The following NUP88 variants were observed in gnomAD, a reference collection of about 807,000 sequenced individuals.
NUP88 encodes nucleoporin 88.
A neutral mutation model predicts 93.9 loss-of-function variants in NUP88; 57 were observed. The ratio of observed to expected loss-of-function variants is 0.61; its 90% CI spans 0.49 to 0.76. The LOEUF is 0.76. Ranked by LOEUF, NUP88 falls within the 30% of genes least tolerant of loss-of-function variation. NUP88 has a pLI of 0.00. For missense variants in NUP88, 911 were observed against 901.0 expected, an observed-to-expected ratio of 1.01 and a Z score of -0.14; for synonymous variants, 346 against 336.8, an observed-to-expected ratio of 1.03 and a Z score of -0.30.
Position 5,419,504 on chromosome 17 carries a change from C to T in NUP88, c.147G>A (p.Ser49=). The T allele has an allele frequency of 6.2e-7, 1 of 1,613,974 alleles. No homozygotes were observed. The change falls in exon 1 of 17, where the codon TCG becomes TCA. Residue 49 remains serine, a synonymous_variant. Coordinates refer to ENST00000573584, the MANE Select transcript of NUP88 (RefSeq NM_002532.6). ...TCGTCAGCAACTGCGGCGGCGGCGA[C>T]GAAGGCAACGACGAAGAAGCTGGTT... is the stretch of plus-strand genomic sequence containing the variant. ...AEKPASSSLP[S]SPPPQLLTRN... is the part of the protein sequence containing the mutation.
At chr17:5,404,857 A>C (rs770112933) in intron 6 of NUP88, among the ~76,000 whole-genome samples, 200 bp downstream of exon 6, 17 of 152,222 alleles carry the variant, frequency 1.1e-4, no homozygotes, top group Non-Finnish European at 1.5e-5. Flanking sequence ...TGGTGGACCA[A>C]GTAAGTTGGG....
In NUP88 at chr17:5,386,965, A is replaced by G; in HGVS notation, c.2043+19T>C. On this transcript the variant is annotated intron_variant, in intron 15 of 16. Coordinates refer to ENST00000573584, the MANE Select transcript of NUP88 (RefSeq NM_002532.6). Reference sequence around the variant, plus strand: ...TTAAGAAAAATTACCAAATTTAGCTAGTTTGGATCTATTCCTACCTGTTTG... The same window carrying G: ...TTAAGAAAAATTACCAAATTTAGCTGGTTTGGATCTATTCCTACCTGTTTG... The G allele has an allele frequency of 6.2e-7, 1 of 1,608,156 alleles. No homozygotes were observed. Among genetic ancestry groups the G allele is most frequent in the Non-Finnish European group, 8.5e-7 (1 of 1,178,336 alleles).
Position 5,394,951 on chromosome 17 carries a change from A to G in NUP88, c.1322T>C (p.Leu441Pro). ...DEEDKDSLQELSTEQKCFVEH... is the reference protein window; with the variant it reads ...DEEDKDSLQEPSTEQKCFVEH... ...AACAAAGCATTTCTGTTCTGTAGAG[A>G]GTTCCTGTAAACTATCCTTATCTTC... The change falls in exon 9 of 17, where the codon CTC (leucine) becomes CCC (proline). Residue 441 changes from leucine to proline, a missense_variant. Leu to Pro is a moderately conservative substitution (Grantham distance 98, BLOSUM62 -3). Coordinates refer to ENST00000573584, the MANE Select transcript of NUP88 (RefSeq NM_002532.6). The G allele has an allele frequency of 6.2e-7, 1 of 1,612,790 alleles. No individual in the cohort carries two copies. Among genetic ancestry groups the G allele is most frequent in the Non-Finnish European group, 8.5e-7 (1 of 1,178,762 alleles).
chr17:5,386,792 A>G lies in NUP88; in HGVS notation c.2078T>C (p.Met693Thr). Residue 693 changes from methionine to threonine, a missense_variant, in exon 16 of 17, where the codon ATG becomes ACG. Transcript: ENST00000573584. ...TMKKDYQQQK[M>T]EKVLSLPKPT... ...TTTTGGAAGACTCAACACCTTCTCC[A>G]TCTTTTGCTGTTGATAATCCTTTTT... is the stretch of plus-strand genomic sequence containing the variant. 3 of 1,613,984 alleles carry G rather than the reference A, an allele frequency of 1.9e-6. No homozygotes were observed. Among genetic ancestry groups the G allele is most frequent in the Non-Finnish European group, 2.5e-6 (3 of 1,179,826 alleles).
At position 5,419,636 on chromosome 17, in the gene NUP88, C is replaced by T; in HGVS notation, c.15G>A (p.Glu5=). The T allele has an allele frequency of 1.9e-6, 3 of 1,591,086 alleles. No homozygotes were observed. Among genetic ancestry groups the T allele is most frequent in the Non-Finnish European group, 2.6e-6 (3 of 1,168,146 alleles). The change falls in exon 1 of 17, where the codon GAG becomes GAA. Residue 5 remains glutamate, a synonymous_variant. Coordinates refer to ENST00000573584, the MANE Select transcript of NUP88 (RefSeq NM_002532.6). MAAA[E]GPVGDGELWQ... ...ACAGCTCGCCGTCGCCCACCGGTCC[C>T]TCGGCGGCCGCCATCTTGGCCCAAC...
chr17:5,409,501 T>C (rs1913702231), intron 4 of NUP88, among the ~76,000 whole-genome samples: 1 of 151,932 alleles, frequency 6.6e-6, no homozygotes, highest in Non-Finnish European at 1.5e-5. Context: ...AAATTTATTA[T>C]ATACACACAC....
intron 5 of NUP88, among the ~76,000 whole-genome samples, chr17:5,407,346 G>A (rs1485848600): frequency 1.3e-5 from 2 of 152,194 alleles, no homozygotes; most frequent in Admixed American, 1.3e-4. Flanking sequence ...ACCCGGTGAT[G>A]CCCTGAGCAC....
intron 3 of NUP88, among the ~76,000 whole-genome samples, chr17:5,411,642 A>G (rs1361520312): frequency 2.9e-5 from 4 of 138,928 alleles, no homozygotes; most frequent in Admixed American, 2.2e-4. Context: ...TTTTCAAGGG[A>G]AAGTATAATA....
At chr17:5,404,044 T>G in intron 7 of NUP88, 55 bp downstream of exon 7, 1 of 1,530,284 alleles carries the variant, frequency 6.5e-7, no homozygotes, top group Non-Finnish European at 9.0e-7. Context: ...CAGTCTATGA[T>G]AGTCTTAGTA....
intron 2 of NUP88, among the ~76,000 whole-genome samples, chr17:5,416,188 T>TACCCACACACAC (rs1914138144): frequency 7.9e-6 from 1 of 126,200 alleles, no homozygotes; most frequent in African/African-American, 3.0e-5. Context: ...TATACACACA[T>TACCCACACACAC]ACACACACAC....
chr17:5,416,997 G>GT (rs78233364), intron 1 of NUP88, among the ~76,000 whole-genome samples: 3 of 151,534 alleles, frequency 2.0e-5, no homozygotes, highest in Admixed American at 6.6e-5. Context: ...AATTAAAAAG[G>GT]TTTTTTTTGT....
intron 2 of NUP88, among the ~76,000 whole-genome samples, chr17:5,415,284 TG>T (rs997107302): frequency 3.7e-4 from 56 of 152,258 alleles, no homozygotes; most frequent in Middle Eastern, 3.4e-3. Context: ...CCTCCCAAAG[TG>T]CTGGGATTAC....
chr17:5,386,814 TTTTC>T lies in NUP88; in HGVS notation c.2052_2055del (p.Met684IlefsTer13). ...TCCATCTTTTGCTGTTGATAATCCT[TTTTC>T]ATAGTAACCTTAAGTATTAAAATAA... On this transcript the variant is annotated frameshift_variant, in exon 16 of 17. Coordinates refer to ENST00000573584, the MANE Select transcript of NUP88 (RefSeq NM_002532.6). LOFTEE classifies it high-confidence loss of function. 1 of 1,612,384 alleles carries T rather than the reference TTTTC, an allele frequency of 6.2e-7. No homozygotes were observed. The highest frequency in any genetic ancestry group is 8.5e-7 in the Non-Finnish European group (1 of 1,178,404).
intron 8 of NUP88, among the ~76,000 whole-genome samples, chr17:5,395,582 G>T (rs897168683): frequency 6.6e-6 from 1 of 151,326 alleles, no homozygotes; most frequent in Non-Finnish European, 1.5e-5. Context: ...AGGCTGGAGC[G>T]CAGTGGCCCA....
In NUP88 at chr17:5,405,212, A is replaced by G; in HGVS notation, c.889T>C (p.Leu297=). ...TCTTCAGCCGCAGGATGCATGGGCA[A>G]TGGACCCAACAGCTTTCCAATATTT... is the stretch of plus-strand genomic sequence containing the variant. ...PGNIGKLLGP[L]PMHPAAEDNY... The change falls in exon 6 of 17, where the codon TTG becomes CTG. Residue 297 remains leucine, a synonymous_variant. Coordinates refer to ENST00000573584, the MANE Select transcript of NUP88 (RefSeq NM_002532.6). The G allele has an allele frequency of 1.2e-6, 2 of 1,613,988 alleles. No homozygotes were observed. The highest frequency in any genetic ancestry group is 1.7e-6 in the Non-Finnish European group (2 of 1,179,954).
Position 5,385,969 on chromosome 17 carries a change from G to T in NUP88, c.*237C>A. 1 of 469,808 alleles carries T rather than the reference G, an allele frequency of 2.1e-6. No individual in the cohort carries two copies. Among genetic ancestry groups the T allele is most frequent in the Non-Finnish European group, 3.7e-6 (1 of 268,836 alleles). The allele number at this position is 469,808 out of a possible 1,614,324, so 29.1% of individuals were successfully genotyped here. ...CAGGGAGGTTCTGGCAGTGTGCAGT[G>T]TGAAATAATCCTGAGTCCTTGCTGA... is the stretch of plus-strand genomic sequence containing the variant. On this transcript the variant is annotated 3_prime_UTR_variant, in exon 17 of 17. Transcript: ENST00000573584.
At position 5,419,580 on chromosome 17, in the gene NUP88, A is replaced by T. The variant is rs1471376325; in HGVS notation, c.71T>A (p.Phe24Tyr). 1 of 1,608,718 alleles carries T rather than the reference A, an allele frequency of 6.2e-7. No individual in the cohort carries two copies. The highest frequency in any genetic ancestry group is 8.5e-7 in the Non-Finnish European group (1 of 1,176,458). ...TTTCAGTCCCTCCCGGAGCCGCAAG[A>T]ACACGACGTGGTTAGGAAGCCAGGT... ...WQTWLPNHVV[F>Y]LRLREGLKNQ... The change falls in exon 1 of 17, where the codon TTC becomes TAC. Residue 24 changes from phenylalanine to tyrosine, a missense_variant. Coordinates refer to ENST00000573584, the MANE Select transcript of NUP88 (RefSeq NM_002532.6).
In NUP88 at chr17:5,388,848, T is replaced by C. The variant is rs1912223496; in HGVS notation, c.1597A>G (p.Ile533Val). The C allele has an allele frequency of 2.5e-6, 4 of 1,614,014 alleles. No homozygotes were observed. The African/African-American group carries it at 4.0e-5, about 16-fold the overall frequency. Reference protein sequence around the residue: ...AETPDSFEKHIRSILQRSVAN... With the variant: ...AETPDSFEKHVRSILQRSVAN... ...ACACTACGTTGCAAAATGCTTCTAATATGCTTTTCAAAGGAATCTGGGGTT... is the reference window on the plus strand; with the variant it reads ...ACACTACGTTGCAAAATGCTTCTAACATGCTTTTCAAAGGAATCTGGGGTT... The change falls in exon 11 of 17, where the codon ATT (isoleucine) becomes GTT (valine). Residue 533 changes from isoleucine to valine, a missense_variant. Coordinates refer to ENST00000573584, the MANE Select transcript of NUP88 (RefSeq NM_002532.6).
chr17:5,412,918 G>T (rs1024007467), intron 3 of NUP88, among the ~76,000 whole-genome samples: 1 of 152,114 alleles, frequency 6.6e-6, no homozygotes, highest in East Asian at 1.9e-4. Flanking sequence ...ATAACAGGAA[G>T]AGTGAAAGAG....
Sources: allele counts gnomAD v4.1 joint callset (sites outside exome capture counted in the v4.1 genomes callset), GRCh38; gene constraint gnomAD v4.1.1; transcripts MANE v1.5; gene names NCBI Gene and HGNC (gene_info 2026-07-23, HGNC 2026-07-21).